NEBL: variants seen among roughly 807,000 people sequenced by gnomAD.
NEBL encodes the protein nebulette, also known as LIM and SH3 protein 2.
A neutral mutation model predicts 140.2 loss-of-function variants in NEBL; 122 were observed. That is an observed-to-expected ratio of 0.87 (90% CI 0.75 to 1.01). The LOEUF (loss-of-function observed/expected upper bound fraction) is 1.01, where lower values mean the gene tolerates loss of function less well. NEBL is among the 50% of genes least tolerant of loss of function. The probability of loss-of-function intolerance (pLI) is 0.00; values close to 1 mark genes in which losing one functional copy is unlikely to be tolerated. For missense variants in NEBL, 1,365 were observed against 1,231.3 expected, an observed-to-expected ratio of 1.11 and a Z score of -1.62; for synonymous variants, 436 against 398.9, an observed-to-expected ratio of 1.09 and a Z score of -1.11.
At chr10:20,880,251 C>T (rs577786790) in intron 5 of NEBL, among the ~76,000 whole-genome samples, 2 of 152,218 alleles carry the variant, frequency 1.3e-5, no homozygotes, top group South Asian at 4.1e-4. Flanking sequence ...ATCCCAGCTA[C>T]TCGGGAGGCT....
In NEBL at chr10:20,914,090, T is replaced by A. The variant is rs561311234; in HGVS notation, c.357+47582A>T. Among the ~76,000 whole-genome samples, 32 of 152,290 alleles carry A rather than the reference T, an allele frequency of 2.1e-4. No individual in the cohort carries two copies. In the South Asian group the frequency reaches 4.8e-3, roughly 23 times the overall value. The stretch of plus-strand genomic sequence containing the variant: ...ACCCTGATTATCCACCCACAGCTCA[T>A]CAGACCAAAAGCAGACACTGCACTT... On this transcript the variant is annotated intron_variant, in intron 4 of 6. Transcript: ENST00000417816.
rs1841173769 is a variant in NEBL, at chr10:21,173,460, T to G, written c.69+305A>C. 6.6e-6 allele frequency among the ~76,000 whole-genome samples: 1 copy of G among 151,778 alleles called. No individual in the cohort carries two copies. Among genetic ancestry groups the G allele is most frequent in the South Asian group, 2.1e-4 (1 of 4,816 alleles). On this transcript the variant is annotated intron_variant, in intron 1 of 6. Coordinates refer to the NEBL transcript ENST00000417816. The surrounding 1 kb of genome is among the most constrained non-coding windows in gnomAD (Gnocchi z 5.7). The stretch of plus-strand genomic sequence containing the variant: ...CGGCTCGCCGAAGTGCCCCCCTGGG[T>G]GCCCAGCCTGGTCCCTCCGGGGTCC...
At position 20,817,638 on chromosome 10, in the gene NEBL, GCTCTGGTGGATCA is replaced by G; in HGVS notation, c.2097_2109del (p.Asp700Ter). 3 of 1,613,968 alleles carry G rather than the reference GCTCTGGTGGATCA, an allele frequency of 1.9e-6. No individual in the cohort carries two copies. The South Asian group carries it at 3.3e-5, about 18-fold the overall frequency. ...TTCTGGTTTTCTTTTGCCCTCTTCA[GCTCTGGTGGATCA>G]GAAATTGCAGTTCCCCGTTGAAGTT... is the stretch of plus-strand genomic sequence containing the variant. On this transcript the variant is annotated frameshift_variant, in exon 21 of 28. Coordinates refer to ENST00000377122, the MANE Select transcript of NEBL (RefSeq NM_006393.3). LOFTEE classifies it high-confidence loss of function.
chr10:20,918,760 A>C (rs1833435581), intron 4 of NEBL, among the ~76,000 whole-genome samples: 1 of 151,792 alleles, frequency 6.6e-6, no homozygotes, highest in African/African-American at 2.4e-5. Flanking sequence ...CTGAGGCAGA[A>C]GAATGGTGTA....
At chr10:20,845,934 G>C (rs140937723) in intron 11 of NEBL, among the ~76,000 whole-genome samples, 25 of 152,250 alleles carry the variant, frequency 1.6e-4, no homozygotes, top group African/African-American at 5.8e-4. Flanking sequence ...TATGGTGTTT[G>C]ATATGAATGA....
intron 6 of NEBL, among the ~76,000 whole-genome samples, chr10:20,869,123 C>A (rs1428106375): frequency 2.6e-5 from 4 of 152,184 alleles, no homozygotes; most frequent in African/African-American, 7.2e-5. Context: ...TTCTCAGGAA[C>A]TGTTCTGGCC....
intron 4 of NEBL, among the ~76,000 whole-genome samples, chr10:20,930,904 C>G (rs951763574): frequency 1.3e-5 from 2 of 152,194 alleles, no homozygotes; most frequent in African/African-American, 4.8e-5. Context: ...TCTGGAACAT[C>G]TAACCAATCG....
intron 5 of NEBL, among the ~76,000 whole-genome samples, chr10:20,874,356 T>C (rs546803900): frequency 6.6e-6 from 1 of 152,176 alleles, no homozygotes; most frequent in Non-Finnish European, 1.5e-5. Flanking sequence ...TTGGAAACCA[T>C]GATTAATGAA....
At chr10:21,114,195 A>C (rs1838173858) in intron 2 of NEBL, among the ~76,000 whole-genome samples, 1 of 152,004 alleles carries the variant, frequency 6.6e-6, no homozygotes, top group Non-Finnish European at 1.5e-5. Context: ...CAAGTTATTC[A>C]AGTGTGTTGT....
At chr10:21,064,044 C>A (rs760305768) in intron 2 of NEBL, among the ~76,000 whole-genome samples, 2 of 152,056 alleles carry the variant, frequency 1.3e-5, no homozygotes, top group Non-Finnish European at 1.5e-5. Context: ...TGTACTCCAG[C>A]CTGGGCAACA....
At chr10:20,950,179 A>G (rs1835390566) in intron 4 of NEBL, among the ~76,000 whole-genome samples, 1 of 152,230 alleles carries the variant, frequency 6.6e-6, no homozygotes, top group Non-Finnish European at 1.5e-5. Flanking sequence ...ATCGGGGGTC[A>G]TCTGTGCTTT....
chr10:20,982,074 A>T (rs1338136825), intron 3 of NEBL, among the ~76,000 whole-genome samples: 2 of 152,340 alleles, frequency 1.3e-5, no homozygotes, highest in East Asian at 3.9e-4. Context: ...TTCATTTGCC[A>T]GGCTAAGACT....
chr10:20,865,780 C>A (rs187378944), intron 7 of NEBL, among the ~76,000 whole-genome samples: 8 of 152,276 alleles, frequency 5.3e-5, no homozygotes, highest in African/African-American at 1.9e-4. Context: ...AAGTGAAAGT[C>A]CCTTGTTAAC....
intron 3 of NEBL, among the ~76,000 whole-genome samples, chr10:21,241,763 G>GTGACAA (rs1842442650): frequency 6.6e-6 from 1 of 152,202 alleles, no homozygotes; most frequent in African/African-American, 2.4e-5. Flanking sequence ...CAGCAGGGTG[G>GTGACAA]TGACAATGCT....
chr10:21,037,032 AC>A (rs928192051), intron 2 of NEBL, among the ~76,000 whole-genome samples: 1 of 151,966 alleles, frequency 6.6e-6, no homozygotes, highest in Non-Finnish European at 1.5e-5. Flanking sequence ...GTCTGTTGAC[AC>A]CCCTGGCCAC....
intron 11 of NEBL, among the ~76,000 whole-genome samples, chr10:20,847,865 G>A (rs564623924): frequency 6.6e-6 from 1 of 152,246 alleles, no homozygotes; most frequent in African/African-American, 2.4e-5. Flanking sequence ...TAGAGACAAG[G>A]TCTGTTTAGA....
At chr10:21,165,207 A>G (rs978732868) in intron 2 of NEBL, among the ~76,000 whole-genome samples, 3 of 152,218 alleles carry the variant, frequency 2.0e-5, no homozygotes, top group African/African-American at 7.2e-5. Context: ...TACAGATTAC[A>G]ATTTAACCCA....
chr10:21,077,933 AC>A (rs1836178189), intron 2 of NEBL, among the ~76,000 whole-genome samples: 1 of 152,170 alleles, frequency 6.6e-6, no homozygotes, highest in Admixed American at 6.5e-5. Flanking sequence ...TAGAAAAGCA[AC>A]ACTACAAGAG....
At position 20,980,872 on chromosome 10, in the gene NEBL, A is replaced by C. The variant is rs80320329; in HGVS notation, c.250-19093T>G. On this transcript the variant is annotated intron_variant, in intron 3 of 6. Transcript: ENST00000417816. ...TTATTACTTCTTCCTTCTAACAGGC[A>C]AGAATTTAATATTCTTCCAAGGCTG... Among the ~76,000 whole-genome samples, 56 of 152,352 alleles carry C rather than the reference A, an allele frequency of 3.7e-4. 2 individuals carry two copies. The East Asian group carries it at 9.8e-3, about 27-fold the overall frequency.
Sources: allele counts gnomAD v4.1 joint callset (sites outside exome capture counted in the v4.1 genomes callset), GRCh38; gene constraint gnomAD v4.1.1; non-coding constraint Gnocchi (gnomAD v3.1); transcripts MANE v1.5; gene names NCBI Gene and HGNC (gene_info 2026-07-23, HGNC 2026-07-21).